NCOR2: variants seen among roughly 807,000 people sequenced by gnomAD.
The protein encoded by NCOR2 is CTG repeat protein 26.
NCOR2 carries 81 observed loss-of-function variants against 262.9 expected under a neutral mutation model. The ratio of observed to expected loss-of-function variants is 0.31; its 90% CI spans 0.26 to 0.37. The LOEUF (loss-of-function observed/expected upper bound fraction) is 0.37. Ranked by LOEUF, NCOR2 falls within the 10% of genes least tolerant of loss-of-function variation. The pLI is 1.00. For missense variants in NCOR2, 3,385 were observed against 3,621.4 expected (o/e 0.93, Z 1.68); for synonymous variants, 1,659 against 1,559.3 (o/e 1.06, Z -1.51).
chr12:124,376,748 A>G (rs1335375813), intron 18 of NCOR2, among the ~76,000 whole-genome samples: 1 of 152,220 alleles, frequency 6.6e-6, no homozygotes, highest in African/African-American at 2.4e-5. Flanking sequence ...TGGAACCAGG[A>G]GGTGACTTGC....
chr12:124,442,715 A>G (rs186794175), intron 7 of NCOR2, among the ~76,000 whole-genome samples: 16 of 152,320 alleles, frequency 1.1e-4, no homozygotes, highest in Admixed American at 2.0e-4. Flanking sequence ...CCCAACCCCA[A>G]CTACAAAAAA....
chr12:124,437,102 TAAATAAAC>T (rs1015715644), intron 8 of NCOR2, among the ~76,000 whole-genome samples: 11 of 151,586 alleles, frequency 7.3e-5, no homozygotes, highest in African/African-American at 1.7e-4. Context: ...AAATAATAAA[TAAATAAAC>T]AAATAAAATG....
chr12:124,505,509 C>A (rs837935), intron 1 of NCOR2, among the ~76,000 whole-genome samples: 1 of 151,992 alleles, frequency 6.6e-6, no homozygotes, highest in Non-Finnish European at 1.5e-5. Flanking sequence ...CTGAAACGAG[C>A]CAGTGCCCTC....
chr12:124,404,980 G>A (rs1006505966), intron 13 of NCOR2, among the ~76,000 whole-genome samples: 5 of 152,212 alleles, frequency 3.3e-5, no homozygotes, highest in African/African-American at 1.2e-4. Flanking sequence ...AAAGGCTGAC[G>A]GCCCAGAGTG....
intron 21 of NCOR2, 138 bp downstream of exon 23, chr12:124,363,541 A>T: frequency 1.1e-6 from 1 of 895,194 alleles, no homozygotes; most frequent in East Asian, 3.0e-5. Context: ...CCTCAGCTCC[A>T]CGGGGATTTC....
chr12:124,359,739 C>T (rs371211626), intron 22 of NCOR2, among the ~76,000 whole-genome samples: 146 of 152,202 alleles, frequency 9.6e-4, no homozygotes, highest in Non-Finnish European at 1.7e-3. Context: ...GCTGGGCGGG[C>T]GGCCGAGAGC....
In NCOR2 at chr12:124,549,333, G is replaced by A. The variant is rs2051639381; in HGVS notation, c.-164-13722C>T. Among the ~76,000 whole-genome samples the A allele has an allele frequency of 6.6e-6, 1 of 152,180 alleles. No homozygotes were observed. Among genetic ancestry groups the A allele is most frequent in the African/African-American group, 2.4e-5 (1 of 41,436 alleles). On this transcript the variant is annotated intron_variant, in intron 1 of 32. Transcript: ENST00000458234. This position sits in a 1 kb window ranked among gnomAD's most constrained non-coding sequence, Gnocchi z 4.4. ...AATCCCACACTCCCCGCTTGGCCGGGTGGCCCACTGCCCGTCTGGCTTTCG... is the reference window on the plus strand; with the variant it reads ...AATCCCACACTCCCCGCTTGGCCGGATGGCCCACTGCCCGTCTGGCTTTCG...
chr12:124,524,956 T>C (rs1387246572), intron 1 of NCOR2, among the ~76,000 whole-genome samples: 3 of 152,244 alleles, frequency 2.0e-5, no homozygotes, highest in Non-Finnish European at 4.4e-5. Flanking sequence ...GTCCGGAACA[T>C]GCCACGTGCC....
At chr12:124,333,319 C>A (rs1015484120) in intron 41 of NCOR2, 40 bp from the exon 44 acceptor site, 4 of 1,498,138 alleles carry the variant, frequency 2.7e-6, no homozygotes, top group African/African-American at 2.8e-5. Flanking sequence ...CAGAGGTCTC[C>A]CTACTGAGGG....
intron 16 of NCOR2, among the ~76,000 whole-genome samples, chr12:124,394,403 T>G (rs1444374656): frequency 6.6e-6 from 1 of 152,178 alleles, no homozygotes; most frequent in African/African-American, 2.4e-5. Context: ...TCTGTGTACT[T>G]TCACCAAAAC....
At position 124,355,592 on chromosome 12, in the gene NCOR2, C is replaced by T. The variant is rs752524669; in HGVS notation, c.3242-21G>A. On this transcript the variant is annotated intron_variant, in intron 23 of 46. Coordinates refer to ENST00000405201, the Ensembl canonical transcript of NCOR2. ...GTGACCTGTGGAGCACATGTCTGTCCATTGTGGGGCCCAGGAGCGGTCACG... is the reference window on the plus strand; with the variant it reads ...GTGACCTGTGGAGCACATGTCTGTCTATTGTGGGGCCCAGGAGCGGTCACG... The T allele has an allele frequency of 2.6e-6, 4 of 1,539,260 alleles. No individual in the cohort carries two copies. The East Asian group carries it at 9.1e-5, about 35-fold the overall frequency.
upstream of NCOR2, chr12:124,538,302 G>T (rs1208867121): frequency 6.6e-6 from 1 of 152,420 alleles, no homozygotes; most frequent in Non-Finnish European, 1.5e-5. Context: ...GTGACACATA[G>T]GTCCAAAGAG....
chr12:124,442,797 C>T (rs535149340), intron 7 of NCOR2, among the ~76,000 whole-genome samples: 2 of 152,198 alleles, frequency 1.3e-5, no homozygotes, highest in Admixed American at 1.3e-4. Context: ...GTCTTTAGAG[C>T]GAGAAGCAAG....
intron 44 of NCOR2, among the ~76,000 whole-genome samples, chr12:124,328,029 A>T (rs1162115440): frequency 5.3e-5 from 8 of 150,804 alleles, no homozygotes; most frequent in Non-Finnish European, 1.0e-4. Context: ...TTTTTTTTTT[A>T]AATCTCAAGT....
In NCOR2 at chr12:124,335,023, T is replaced by TC. The variant is rs2035759634; in HGVS notation, c.6411+111dup. The TC allele has an allele frequency of 3.9e-6, 6 of 1,528,192 alleles. No homozygotes were observed. The South Asian group carries it at 5.7e-5, about 14-fold the overall frequency. The allele number at this position is 1,528,192 out of a possible 1,614,324, so 94.7% of individuals were successfully genotyped here. On this transcript the variant is annotated intron_variant, in intron 40 of 46. Coordinates refer to ENST00000405201, the Ensembl canonical transcript of NCOR2. ...GATCCCCCCAGCGCCATGCCCTGGA[T>TC]CCCCCAGCCACCCCGCCAGGACAGA...
At chr12:124,543,267 C>T (rs140976672) in intron 1 of NCOR2, among the ~76,000 whole-genome samples, 1 of 152,242 alleles carries the variant, frequency 6.6e-6, no homozygotes, top group African/African-American at 2.4e-5. Context: ...GCCCCAGGGC[C>T]ACCTGTCTGC....
chr12:124,466,695 G>A (rs150221667), intron 4 of NCOR2, among the ~76,000 whole-genome samples: 35 of 152,122 alleles, frequency 2.3e-4, no homozygotes, highest in Non-Finnish European at 4.6e-4. Context: ...TACCCATTAC[G>A]GTTCCTACAG....
chr12:124,406,945 C>T (rs1015690896), intron 13 of NCOR2, among the ~76,000 whole-genome samples: 10 of 152,240 alleles, frequency 6.6e-5, no homozygotes, highest in Non-Finnish European at 1.5e-4. Flanking sequence ...TCACTTCCTA[C>T]CTGTTATTTG....
chr12:124,545,740 C>G (rs1209532025), intron 1 of NCOR2, among the ~76,000 whole-genome samples: 1 of 151,956 alleles, frequency 6.6e-6, no homozygotes, highest in African/African-American at 2.4e-5. Context: ...GAGTGAGCCA[C>G]GCTGCTTCCC....
Sources: gnomAD v4.1 joint callset for allele counts (sites outside exome capture counted in the v4.1 genomes callset) on GRCh38, gnomAD v4.1.1 for gene constraint, Gnocchi (gnomAD v3.1) non-coding constraint, MANE v1.5 for transcripts, NCBI Gene and HGNC (gene_info 2026-07-23, HGNC 2026-07-21) for gene names.